Variants in GRIK2 observed in about 807,000 individuals in gnomAD.
GRIK2 encodes glutamate receptor ionotropic, kainate 2.
GRIK2 carries 32 observed loss-of-function variants against 100.3 expected under a neutral mutation model. The observed-to-expected ratio is 0.32, with a 90% CI of 0.24 to 0.43. The LOEUF (loss-of-function observed/expected upper bound fraction) is 0.43, where lower values mean the gene tolerates loss of function less well. Ranked by LOEUF, GRIK2 falls within the 20% of genes least tolerant of loss-of-function variation. The probability of loss-of-function intolerance (pLI) is 1.00; values close to 1 mark genes in which losing one functional copy is unlikely to be tolerated. For missense variants in GRIK2, 843 were observed against 1,114.9 expected (o/e 0.76, Z 3.47); for synonymous variants, 417 against 389.4 (o/e 1.07, Z -0.83).
chr6:101,424,163 A>AT (rs531531000), intron 2 of GRIK2, among the ~76,000 whole-genome samples: 4 of 151,322 alleles, frequency 2.6e-5, no homozygotes, highest in Admixed American at 6.6e-5. Flanking sequence ...TTTCTTCAGA[A>AT]TTTTTTTTAT....
intron 7 of GRIK2, among the ~76,000 whole-genome samples, chr6:101,701,896 T>TG (rs1772924589): frequency 6.6e-6 from 1 of 152,028 alleles, no homozygotes; most frequent in Non-Finnish European, 1.5e-5. Context: ...TAAGGACCAG[T>TG]AGAAGTTCTC....
intron 14 of GRIK2, among the ~76,000 whole-genome samples, chr6:101,951,583 A>G (rs1791609410): frequency 6.6e-6 from 1 of 152,134 alleles, no homozygotes; most frequent in African/African-American, 2.4e-5. Context: ...TCCAAATCTC[A>G]TCTTGAATTG....
chr6:101,899,111 T>C (rs1023681646), intron 12 of GRIK2, among the ~76,000 whole-genome samples: 12 of 150,844 alleles, frequency 8.0e-5, no homozygotes, highest in African/African-American at 2.9e-4. Flanking sequence ...TGTTTTTTTT[T>C]TTTTTAAGAA....
chr6:101,845,880 G>A (rs1397850460), intron 10 of GRIK2, among the ~76,000 whole-genome samples: 1 of 152,046 alleles, frequency 6.6e-6, no homozygotes, highest in Non-Finnish European at 1.5e-5. Context: ...GTATCTTACT[G>A]CGGTTTAGAT....
At chr6:101,584,445 C>A (rs1169837065) in intron 2 of GRIK2, among the ~76,000 whole-genome samples, 1 of 151,772 alleles carries the variant, frequency 6.6e-6, no homozygotes, top group East Asian at 1.9e-4. Context: ...CATAATAAGA[C>A]TAAAAAAGTC....
intron 7 of GRIK2, among the ~76,000 whole-genome samples, chr6:101,779,643 A>T (rs1681544937): frequency 6.6e-6 from 1 of 152,184 alleles, no homozygotes; most frequent in Non-Finnish European, 1.5e-5. Flanking sequence ...GCAGTGAAGC[A>T]GGTAGGGCTG....
In GRIK2 at chr6:101,575,658, T is replaced by C. The variant is rs1381379574; in HGVS notation, c.116-46291T>C. Among the ~76,000 whole-genome samples, 3 of 152,058 alleles carry C rather than the reference T, an allele frequency of 2.0e-5. No homozygotes were observed. In the East Asian group the frequency reaches 5.8e-4, roughly 29 times the overall value. ...TATTAGTTGAATATATTTCTGGGACTCTCTCAAAGACATGGTAATTTTGTT... is the reference window on the plus strand; with the variant it reads ...TATTAGTTGAATATATTTCTGGGACCCTCTCAAAGACATGGTAATTTTGTT... On this transcript the variant is annotated intron_variant, in intron 2 of 16. Coordinates refer to ENST00000369134, the MANE Select transcript of GRIK2 (RefSeq NM_021956.5).
chr6:101,563,025 AAT>A (rs1777092816), intron 2 of GRIK2, among the ~76,000 whole-genome samples: 1 of 152,204 alleles, frequency 6.6e-6, no homozygotes, highest in Admixed American at 6.5e-5. Flanking sequence ...TTCACTAAAA[AAT>A]ATGTTTGATA....
chr6:101,548,944 G>A (rs1776380205), intron 2 of GRIK2, among the ~76,000 whole-genome samples: 1 of 152,126 alleles, frequency 6.6e-6, no homozygotes, highest in Non-Finnish European at 1.5e-5. Flanking sequence ...CTTATAGATA[G>A]TCCATGTTCC....
chr6:101,605,428 G>A (rs189806626), intron 2 of GRIK2, among the ~76,000 whole-genome samples: 12 of 148,486 alleles, frequency 8.1e-5, no homozygotes, highest in South Asian at 2.1e-4. Flanking sequence ...TTTTTTCTTC[G>A]TCTTCTTTCC....
intron 2 of GRIK2, among the ~76,000 whole-genome samples, chr6:101,582,291 C>T (rs1433680798): frequency 5.9e-5 from 9 of 152,164 alleles, no homozygotes; most frequent in African/African-American, 2.2e-4. Context: ...TCTCATTGTT[C>T]AGCTCCCACT....
At chr6:101,542,738 G>A (rs934058539) in intron 2 of GRIK2, among the ~76,000 whole-genome samples, 1 of 152,096 alleles carries the variant, frequency 6.6e-6, no homozygotes, top group Admixed American at 6.6e-5. Context: ...GAGCGTGTAA[G>A]TGATGTCACA....
chr6:101,523,350 G>A (rs146895644), intron 2 of GRIK2, among the ~76,000 whole-genome samples: 33 of 152,220 alleles, frequency 2.2e-4, no homozygotes, highest in Non-Finnish European at 4.1e-4. Flanking sequence ...AAGGAATGAG[G>A]CATGATCTCT....
At chr6:101,992,529 A>G (rs975754763) in intron 14 of GRIK2, among the ~76,000 whole-genome samples, 86 of 151,668 alleles carry the variant, frequency 5.7e-4, no homozygotes, top group African/African-American at 2.1e-3. Flanking sequence ...TATTAATCAG[A>G]CTGTATGTGG....
chr6:101,426,524 C>G (rs1301451560), intron 2 of GRIK2, among the ~76,000 whole-genome samples: 1 of 152,098 alleles, frequency 6.6e-6, no homozygotes, highest in Non-Finnish European at 1.5e-5. Context: ...CTATTTGTTA[C>G]TCCCAAAATA....
Position 101,534,903 on chromosome 6 carries a change from G to A in GRIK2, c.116-87046G>A, listed in dbSNP as rs555701356. ...CTCTAAACCAGTAGGTTTATAAGCC[G>A]TGTACTTGAACAGCAAAGCCATTTG... On this transcript the variant is annotated intron_variant, in intron 2 of 16. Coordinates refer to ENST00000369134, the MANE Select transcript of GRIK2 (RefSeq NM_021956.5). 1.5e-3 allele frequency among the ~76,000 whole-genome samples: 233 copies of A among 150,682 alleles called. 1 individual carries two copies. The highest frequency in any genetic ancestry group is 5.0e-3 in the African/African-American group (207 of 41,108).
chr6:101,579,309 T>C (rs971198342), intron 2 of GRIK2, among the ~76,000 whole-genome samples: 15 of 152,186 alleles, frequency 9.9e-5, no homozygotes, highest in African/African-American at 3.4e-4. Flanking sequence ...TTTCTTTTCA[T>C]AATACCATAA....
At chr6:101,398,034 A>T (rs1775083233) in intron 1 of GRIK2, among the ~76,000 whole-genome samples, 1 of 152,106 alleles carries the variant, frequency 6.6e-6, no homozygotes, top group African/African-American at 2.4e-5. Context: ...TAAACTCCTA[A>T]CGAAAGCCAA....
chr6:101,977,422 CAT>C (rs1181334879), intron 14 of GRIK2, among the ~76,000 whole-genome samples: 1 of 151,778 alleles, frequency 6.6e-6, no homozygotes, highest in Non-Finnish European at 1.5e-5. Flanking sequence ...TCAGCCCTGA[CAT>C]GTGTGAAAGG....
Sources: gnomAD v4.1 joint callset for allele counts (sites outside exome capture counted in the v4.1 genomes callset) on GRCh38, gnomAD v4.1.1 for gene constraint, MANE v1.5 for transcripts, NCBI Gene and HGNC (gene_info 2026-07-23, HGNC 2026-07-21) for gene names.